PKP4: variants seen among roughly 807,000 people sequenced by gnomAD.
PKP4 encodes the protein plakophilin 4, also known as plakophilin-4.
Under a neutral mutation model 145.1 loss-of-function variants are expected in PKP4, and 90 were observed. The ratio of observed to expected loss-of-function variants is 0.62; its 90% CI spans 0.52 to 0.74. PKP4 has a LOEUF of 0.74. Ranked by LOEUF, PKP4 falls within the 30% of genes least tolerant of loss-of-function variation. The pLI is 0.00. For missense variants in PKP4, 1,340 were observed against 1,482.7 expected, an observed-to-expected ratio of 0.90 and a Z score of 1.58; for synonymous variants, 563 against 577.2, an observed-to-expected ratio of 0.98 and a Z score of 0.35.
chr2:158,574,810 C>A (rs1040790353), intron 2 of PKP4, among the ~76,000 whole-genome samples: 17 of 152,102 alleles, frequency 1.1e-4, no homozygotes, highest in African/African-American at 4.1e-4. Context: ...GTATTATGGG[C>A]TCTGCATCCA....
chr2:158,546,870 T>C (rs1159321537), intron 2 of PKP4, among the ~76,000 whole-genome samples: 1 of 152,168 alleles, frequency 6.6e-6, no homozygotes, highest in East Asian at 1.9e-4. Context: ...GCCTCTTTTT[T>C]ATGCAGTAAG....
chr2:158,493,288 C>A (rs1259896491), intron 1 of PKP4, among the ~76,000 whole-genome samples: 1 of 151,864 alleles, frequency 6.6e-6, no homozygotes, highest in African/African-American at 2.4e-5. Flanking sequence ...TTATTGTTTC[C>A]ATTATTTTGA....
intron 4 of PKP4, among the ~76,000 whole-genome samples, chr2:158,604,828 A>G (rs749215929): frequency 6.6e-6 from 1 of 152,228 alleles, no homozygotes; most frequent in African/African-American, 2.4e-5. Flanking sequence ...CGATAGGTCC[A>G]TGCATATTAA....
chr2:158,565,327 A>C (rs1453092210), intron 2 of PKP4, among the ~76,000 whole-genome samples: 1 of 152,176 alleles, frequency 6.6e-6, no homozygotes, highest in Non-Finnish European at 1.5e-5. Flanking sequence ...TTTATGCAAG[A>C]GAAAAAGAAT....
At chr2:158,595,042 A>G (rs2049604042) in intron 3 of PKP4, among the ~76,000 whole-genome samples, 1 of 152,188 alleles carries the variant, frequency 6.6e-6, no homozygotes, top group Non-Finnish European at 1.5e-5. Flanking sequence ...TAATCATGAC[A>G]TATTGTTTAA....
At position 158,667,174 on chromosome 2, in the gene PKP4, C is replaced by T. The variant is rs114719237; in HGVS notation, c.2728+611C>T. On this transcript the variant is annotated intron_variant, in intron 16 of 21. Coordinates refer to ENST00000389759, the MANE Select transcript of PKP4 (RefSeq NM_003628.6). ...AAACAGTGAGGACCTCTGTACGCTC[C>T]GCACCCCAGGCAGCTTGCTTGCCTC... Among the ~76,000 whole-genome samples, 849 of 152,266 alleles carry T rather than the reference C, an allele frequency of 5.6e-3. 4 individuals carry two copies. Among genetic ancestry groups the T allele is most frequent in the Non-Finnish European group, 9.1e-3 (621 of 68,002 alleles).
chr2:158,573,110 A>G (rs1167388200), intron 2 of PKP4, among the ~76,000 whole-genome samples: 1 of 152,246 alleles, frequency 6.6e-6, no homozygotes, highest in African/African-American at 2.4e-5. Flanking sequence ...GAACAACCCA[A>G]GGTTCATGAT....
chr2:158,621,570 A>C (rs1285575435), intron 6 of PKP4, 149 bp downstream of exon 6: 1 of 616,580 alleles, frequency 1.6e-6, no homozygotes. Context: ...ACATGGCGAA[A>C]CCCCGTCTCT....
At chr2:158,530,600 G>T (rs1165287280) in intron 1 of PKP4, among the ~76,000 whole-genome samples, 1 of 135,882 alleles carries the variant, frequency 7.4e-6, no homozygotes, top group Non-Finnish European at 1.5e-5. Context: ...TTCATTAAAT[G>T]GTCTTACAAT....
chr2:158,640,917 G>A (rs1558936750), intron 10 of PKP4, among the ~76,000 whole-genome samples, 158 bp downstream of exon 10: 3 of 152,210 alleles, frequency 2.0e-5, no homozygotes, highest in Non-Finnish European at 4.4e-5. Context: ...ATGCATTTCA[G>A]TATCTCTCAG....
chr2:158,487,302 A>G (rs76083436), intron 1 of PKP4, among the ~76,000 whole-genome samples: 29,705 of 152,202 alleles, frequency 0.2, 3,778 homozygotes, highest in Middle Eastern at 0.34. Context: ...CAGTGTTTCT[A>G]TATAGTTTCT....
intron 2 of PKP4, among the ~76,000 whole-genome samples, chr2:158,565,818 CT>C (rs1194481502): frequency 2.7e-4 from 41 of 152,094 alleles, no homozygotes; most frequent in Non-Finnish European, 5.9e-5. Flanking sequence ...ATACATTGAT[CT>C]TTCTTAACCT....
At chr2:158,494,261 A>G (rs748300968) in intron 1 of PKP4, among the ~76,000 whole-genome samples, 26 of 150,430 alleles carry the variant, frequency 1.7e-4, no homozygotes, top group Admixed American at 6.6e-4. Flanking sequence ...TTTTTTACTT[A>G]TGGAGGGGAA....
intron 13 of PKP4, chr2:158,662,683 C>G (rs762076769): frequency 2.4e-6 from 1 of 418,714 alleles, no homozygotes; most frequent in Non-Finnish European, 4.2e-6. Flanking sequence ...GTCAAATCCT[C>G]AGCAGGACTG....
chr2:158,550,433 A>G (rs548534690), intron 2 of PKP4, among the ~76,000 whole-genome samples: 47 of 152,352 alleles, frequency 3.1e-4, no homozygotes, highest in Admixed American at 9.8e-4. Flanking sequence ...CAACATTTTC[A>G]TCACCCCAGA....
chr2:158,514,050 C>G (rs2041738866), intron 1 of PKP4, among the ~76,000 whole-genome samples: 1 of 152,198 alleles, frequency 6.6e-6, no homozygotes, highest in South Asian at 2.1e-4. Context: ...TCCTTTGTTC[C>G]TGCTAGACAG....
intron 1 of PKP4, among the ~76,000 whole-genome samples, chr2:158,474,261 G>GTT (rs1431724064): frequency 3.2e-4 from 48 of 152,336 alleles, no homozygotes; most frequent in African/African-American, 1.2e-3. Flanking sequence ...CTGCCACATA[G>GTT]GTGAAAACAA....
intron 1 of PKP4, among the ~76,000 whole-genome samples, chr2:158,473,034 G>A (rs1323883040): frequency 6.6e-6 from 1 of 152,188 alleles, no homozygotes; most frequent in Non-Finnish European, 1.5e-5. Context: ...GGACATCCAT[G>A]TGGTCAACAA....
Position 158,669,944 on chromosome 2 carries a change from G to A in PKP4, c.2924+29G>A, listed in dbSNP as rs774492581. 10 of 1,562,572 alleles carry A rather than the reference G, an allele frequency of 6.4e-6. No homozygotes were observed. In the East Asian group the frequency reaches 2.3e-4, roughly 35 times the overall value. ...AGTCTGCGGCAAGGAGGTGCAAGCA[G>A]TGCTCTTATTCCTGAGATTGTCCTG... On this transcript the variant is annotated intron_variant, in intron 17 of 21. Transcript: ENST00000389759.
Sources: gnomAD v4.1 joint callset for allele counts (sites outside exome capture counted in the v4.1 genomes callset) on GRCh38, gnomAD v4.1.1 for gene constraint, MANE v1.5 for transcripts, NCBI Gene and HGNC (gene_info 2026-07-23, HGNC 2026-07-21) for gene names.